Variants in STIM2 observed in about 807,000 individuals in gnomAD.
The protein encoded by STIM2 is stromal interaction molecule 2.
A neutral mutation model predicts 85.8 loss-of-function variants in STIM2; 31 were observed. The ratio of observed to expected loss-of-function variants is 0.36; its 90% confidence interval spans 0.27 to 0.49. The LOEUF is 0.49. Ranked by LOEUF, STIM2 falls within the 20% of genes least tolerant of loss-of-function variation. The pLI is 0.98. For missense variants in STIM2, 841 were observed against 927.6 expected (o/e 0.91, Z 1.21); for synonymous variants, 356 against 331.1 (o/e 1.08, Z -0.82).
chr4:26,870,566 A>C (rs1418648933), intron 1 of STIM2, among the ~76,000 whole-genome samples: 1 of 152,208 alleles, frequency 6.6e-6, no homozygotes, highest in Non-Finnish European at 1.5e-5. Context: ...TATAATTTAA[A>C]AAATTTTTAA....
intron 1 of STIM2, among the ~76,000 whole-genome samples, chr4:26,916,396 G>T (rs368909194): frequency 6.6e-6 from 1 of 152,154 alleles, no homozygotes; most frequent in Non-Finnish European, 1.5e-5. Flanking sequence ...TTGGAGGCAT[G>T]GTCTGTTGAG....
intron 1 of STIM2, chr4:26,873,527 C>T (rs991825634): frequency 2.6e-6 from 1 of 379,378 alleles, no homozygotes; most frequent in African/African-American, 2.1e-5. Context: ...TTAGCAGTAG[C>T]CCAGGGTAAC....
At chr4:27,005,806 T>C (rs1418253519) in intron 7 of STIM2, among the ~76,000 whole-genome samples, 1 of 152,238 alleles carries the variant, frequency 6.6e-6, no homozygotes, top group Non-Finnish European at 1.5e-5. Flanking sequence ...TTATGTTAAA[T>C]GTGTTTCCTT....
chr4:26,935,740 T>G (rs1184509422), intron 2 of STIM2, among the ~76,000 whole-genome samples: 1 of 152,190 alleles, frequency 6.6e-6, no homozygotes, highest in Non-Finnish European at 1.5e-5. Flanking sequence ...TCTTGACCTT[T>G]TATGAGTAGA....
At chr4:26,911,003 G>T (rs1012921484) in intron 1 of STIM2, among the ~76,000 whole-genome samples, 3 of 152,184 alleles carry the variant, frequency 2.0e-5, no homozygotes, top group African/African-American at 7.2e-5. Context: ...TTGAGAGGCT[G>T]AGGCGGGCAG....
intron 1 of STIM2, among the ~76,000 whole-genome samples, chr4:26,891,576 C>T (rs965634036): frequency 6.7e-6 from 1 of 150,066 alleles, no homozygotes; most frequent in African/African-American, 2.5e-5. Flanking sequence ...CACACACACA[C>T]ACACACACAC....
At chr4:26,861,662 A>C in intron 1 of STIM2, 2 of 269,612 alleles carry the variant, frequency 7.4e-6, no homozygotes, top group East Asian at 7.0e-5. Flanking sequence ...CGTGCTGCAG[A>C]AGTGCCAGCA....
At chr4:26,986,885 A>G (rs1023606975) in intron 3 of STIM2, among the ~76,000 whole-genome samples, 1 of 152,252 alleles carries the variant, frequency 6.6e-6, no homozygotes, top group Non-Finnish European at 1.5e-5. Flanking sequence ...TTAAATGGCA[A>G]CTTGGTGTGT....
rs886298167 is a variant in STIM2 at position 27,025,179 on chromosome 4, A to G, written c.*2183A>G. 1 of 152,186 alleles carries G rather than the reference A, an allele frequency of 6.6e-6. No individual in the cohort carries two copies. The highest frequency in any genetic ancestry group is 2.4e-5 in the African/African-American group (1 of 41,434). The allele number at this position is 152,186 out of a possible 1,614,324, so 9.4% of individuals were successfully genotyped here. On this transcript the variant is annotated 3_prime_UTR_variant, in exon 12 of 12. Coordinates refer to ENST00000467087, the MANE Select transcript of STIM2 (RefSeq NM_020860.4). ...CTGCTTTATGTTGCTTATGATAATT[A>G]TTTTGCATTAATACAGTATACACAT...
intron 1 of STIM2, among the ~76,000 whole-genome samples, chr4:26,902,852 T>C (rs1019065284): frequency 6.6e-6 from 1 of 152,144 alleles, no homozygotes; most frequent in Non-Finnish European, 1.5e-5. Context: ...GGATTGTCCG[T>C]AAGAACACTC....
intron 1 of STIM2, among the ~76,000 whole-genome samples, chr4:26,882,709 G>T (rs769465465): frequency 2.6e-5 from 4 of 152,004 alleles, no homozygotes; most frequent in Admixed American, 6.6e-5. Flanking sequence ...CAGTCCTTCT[G>T]CCTTGACCTC....
intron 3 of STIM2, among the ~76,000 whole-genome samples, chr4:26,966,645 T>G (rs1270294189): frequency 6.6e-6 from 1 of 152,202 alleles, no homozygotes; most frequent in Non-Finnish European, 1.5e-5. Flanking sequence ...GCCAGCCTTT[T>G]GAATTTGAAT....
chr4:26,923,014 T>C (rs1039549038), intron 2 of STIM2, among the ~76,000 whole-genome samples: 8 of 151,746 alleles, frequency 5.3e-5, no homozygotes, highest in East Asian at 3.9e-4. Flanking sequence ...TCTCCCAGCA[T>C]GCAGCTGGAG....
chr4:26,959,296 A>G (rs1260269313), intron 3 of STIM2, among the ~76,000 whole-genome samples: 4 of 152,054 alleles, frequency 2.6e-5, no homozygotes, highest in Non-Finnish European at 5.9e-5. Context: ...CTATTCAACA[A>G]ATGCAGGAAT....
At chr4:27,007,184 T>C (rs550002705) in intron 7 of STIM2, among the ~76,000 whole-genome samples, 2,911 of 152,284 alleles carry the variant, frequency 0.019, 99 homozygotes, top group African/African-American at 0.067. Context: ...TGACTTTTTT[T>C]TCCCCCTCAG....
intron 3 of STIM2, among the ~76,000 whole-genome samples, chr4:26,967,180 T>G (rs1033290198): frequency 3.9e-5 from 6 of 152,186 alleles, no homozygotes; most frequent in African/African-American, 1.4e-4. Context: ...TCTTACCAAG[T>G]AATCAGCTAA....
At chr4:26,933,932 G>A (rs554775576) in intron 2 of STIM2, among the ~76,000 whole-genome samples, 51 of 152,020 alleles carry the variant, frequency 3.4e-4, no homozygotes, top group Non-Finnish European at 1.6e-4. Flanking sequence ...ATTGGCTCAC[G>A]CCTGTAATCC....
chr4:26,933,123 G>A (rs751776339), intron 2 of STIM2, among the ~76,000 whole-genome samples: 5 of 151,138 alleles, frequency 3.3e-5, no homozygotes, highest in African/African-American at 4.9e-5. Context: ...ATATATTAGC[G>A]CTTAATGCAG....
In STIM2 at chr4:27,017,762, G is replaced by T; in HGVS notation, c.1541G>T (p.Arg514Leu). 1 of 1,614,090 alleles carries T rather than the reference G, an allele frequency of 6.2e-7. No individual in the cohort carries two copies. The highest frequency in any genetic ancestry group is 1.3e-5 in the African/African-American group (1 of 75,020). ...TTAGCCAGAAGCAGCAGCCTGTGCC[G>T]TTCACGCCGCAGCATTGTGCCGTCC... Residue 514 changes from arginine to leucine, a missense_variant, in exon 11 of 12, where the codon CGT becomes CTT. Coordinates refer to ENST00000467087, the MANE Select transcript of STIM2 (RefSeq NM_020860.4).
Sources: allele counts gnomAD v4.1 joint callset (sites outside exome capture counted in the v4.1 genomes callset), GRCh38; gene constraint gnomAD v4.1.1; transcripts MANE v1.5; gene names NCBI Gene and HGNC (gene_info 2026-07-23, HGNC 2026-07-21).